The following MAN1A2 variants were observed in gnomAD, a reference collection of about 807,000 sequenced individuals.
MAN1A2 encodes mannosyl-oligosaccharide 1,2-alpha-mannosidase IB.
A neutral mutation model predicts 75.7 loss-of-function variants in MAN1A2; 26 were observed. The observed-to-expected ratio is 0.34, with a 90% confidence interval of 0.25 to 0.48. The LOEUF is 0.48. Ranked by LOEUF, MAN1A2 falls within the 20% of genes least tolerant of loss-of-function variation. The pLI, the probability that MAN1A2 is intolerant of heterozygous loss-of-function variation, is 0.99. For synonymous variants in MAN1A2, 247 were observed against 264.6 expected (o/e 0.93, Z 0.65); for missense variants, 562 against 775.5 (o/e 0.72, Z 3.27).
rs1437993000 is a variant in MAN1A2, at chr1:117,412,634, C to G, written c.656-2079C>G. 2.0e-5 allele frequency among the ~76,000 whole-genome samples: 3 copies of G among 151,836 alleles called. No individual in the cohort carries two copies. In the East Asian group the frequency reaches 5.8e-4, roughly 29 times the overall value. On this transcript the variant is annotated intron_variant, in intron 3 of 12. Coordinates refer to ENST00000356554, the MANE Select transcript of MAN1A2 (RefSeq NM_006699.5). ...AGAACTGCTTTAGTTGATTCACTTG[C>G]TCTCATACTAAATTTTTATGATGTT...
At chr1:117,461,620 T>A (rs147046198) in intron 7 of MAN1A2, among the ~76,000 whole-genome samples, 1,748 of 152,276 alleles carry the variant, frequency 0.011, 27 homozygotes, top group African/African-American at 0.04. Context: ...TCAAATTTTA[T>A]CATTATACAT....
At chr1:117,503,018 T>A in intron 12 of MAN1A2, 48 bp downstream of exon 12, 1 of 968,128 alleles carries the variant, frequency 1.0e-6, no homozygotes, top group East Asian at 2.7e-5. Context: ...CTGGTTTTGC[T>A]GTGTGATCAC....
intron 6 of MAN1A2, among the ~76,000 whole-genome samples, chr1:117,458,540 T>TTTTTTTTTTTTTTTA (rs1649702235): frequency 7.6e-6 from 1 of 131,756 alleles, no homozygotes; most frequent in Non-Finnish European, 1.7e-5. Context: ...TTTTTTTTTT[T>TTTTTTTTTTTTTTTA]GAGACAGAGT....
chr1:117,404,483 C>T (rs776593139), intron 2 of MAN1A2, among the ~76,000 whole-genome samples: 10 of 152,122 alleles, frequency 6.6e-5, no homozygotes, highest in Non-Finnish European at 1.3e-4. Context: ...GAATCCAAGC[C>T]TGTAGATATT....
chr1:117,474,157 G>A (rs909383567), intron 8 of MAN1A2, among the ~76,000 whole-genome samples: 12 of 151,878 alleles, frequency 7.9e-5, no homozygotes, highest in South Asian at 2.1e-4. Flanking sequence ...GCTTCCTTTC[G>A]TATTCAACCT....
At chr1:117,405,852 A>G (rs546497060) in intron 3 of MAN1A2, among the ~76,000 whole-genome samples, 2 of 152,290 alleles carry the variant, frequency 1.3e-5, no homozygotes, top group Middle Eastern at 3.4e-3. Context: ...TTCTATTTAC[A>G]TATGGATGCT....
At chr1:117,515,518 A>G (rs1651683879) in intron 12 of MAN1A2, 1 of 152,138 alleles carries the variant, frequency 6.6e-6, no homozygotes, top group African/African-American at 2.4e-5. Flanking sequence ...AGATGTTAAT[A>G]GGTGGGGTAA....
At position 117,422,990 on chromosome 1, in the gene MAN1A2, A is replaced by G. The variant is rs78506866; in HGVS notation, c.855+2341A>G. Among the ~76,000 whole-genome samples the G allele has an allele frequency of 7.4e-3, 1,120 of 152,246 alleles. 18 individuals carry two copies. The highest frequency in any genetic ancestry group is 0.026 in the African/African-American group (1,070 of 41,556). Reference sequence around the variant, plus strand: ...GTTTAAGAAATGTTTGCCTAATCCAACATCACAAAGATTTTCTCTTAAGTT... The same window carrying G: ...GTTTAAGAAATGTTTGCCTAATCCAGCATCACAAAGATTTTCTCTTAAGTT... On this transcript the variant is annotated intron_variant, in intron 5 of 12. Coordinates refer to ENST00000356554, the MANE Select transcript of MAN1A2 (RefSeq NM_006699.5).
intron 6 of MAN1A2, among the ~76,000 whole-genome samples, chr1:117,448,577 A>G (rs1002772346): frequency 1.3e-5 from 2 of 152,238 alleles, no homozygotes; most frequent in Non-Finnish European, 2.9e-5. Flanking sequence ...TAAAAAATTT[A>G]CTTGACAAGC....
At chr1:117,429,752 C>CG (rs1648536050) in intron 5 of MAN1A2, among the ~76,000 whole-genome samples, 1 of 90,958 alleles carries the variant, frequency 1.1e-5, no homozygotes, top group Non-Finnish European at 2.3e-5. Context: ...GCTGGCCGGG[C>CG]GGGGGGCTGA....
intron 3 of MAN1A2, among the ~76,000 whole-genome samples, chr1:117,408,393 T>C (rs2101762722): frequency 6.6e-6 from 1 of 152,088 alleles, no homozygotes; most frequent in South Asian, 2.1e-4. Flanking sequence ...TCTTTTTGCA[T>C]GTAGAAGAAA....
chr1:117,510,117 A>T (rs965405534), intron 12 of MAN1A2, among the ~76,000 whole-genome samples: 1 of 151,906 alleles, frequency 6.6e-6, no homozygotes, highest in Non-Finnish European at 1.5e-5. Context: ...TTAGATATAG[A>T]ACTTGGTTCT....
chr1:117,376,723 C>T (rs1653158062), intron 1 of MAN1A2, among the ~76,000 whole-genome samples: 1 of 152,202 alleles, frequency 6.6e-6, no homozygotes, highest in Admixed American at 6.5e-5. Flanking sequence ...CCTCTGTATC[C>T]ATAGGTTCCA....
intron 8 of MAN1A2, among the ~76,000 whole-genome samples, chr1:117,468,007 C>T (rs71668699): frequency 0.019 from 2,908 of 152,166 alleles, 46 homozygotes; most frequent in Non-Finnish European, 0.031. Context: ...AAAAAGATGT[C>T]AGTTTTCCTG....
intron 5 of MAN1A2, among the ~76,000 whole-genome samples, chr1:117,421,947 C>T (rs1648214832): frequency 6.6e-6 from 1 of 152,034 alleles, no homozygotes; most frequent in Non-Finnish European, 1.5e-5. Flanking sequence ...TTGTTCATGC[C>T]AAATACTCCT....
At chr1:117,421,457 G>A (rs1373829266) in intron 5 of MAN1A2, among the ~76,000 whole-genome samples, 2 of 151,306 alleles carry the variant, frequency 1.3e-5, no homozygotes, top group Admixed American at 6.6e-5. Context: ...TCCCCCCAGT[G>A]TTTTGGCTTC....
At chr1:117,459,897 C>G (rs770239188) in intron 6 of MAN1A2, among the ~76,000 whole-genome samples, 8 of 151,886 alleles carry the variant, frequency 5.3e-5, no homozygotes, top group Non-Finnish European at 1.2e-4. Context: ...TGATACTGTC[C>G]CGATCATTCA....
At chr1:117,466,995 T>C (rs1468622844) in intron 8 of MAN1A2, among the ~76,000 whole-genome samples, 2 of 152,152 alleles carry the variant, frequency 1.3e-5, no homozygotes, top group African/African-American at 2.4e-5. Context: ...AAGGAACCAA[T>C]TGTTATATGA....
chr1:117,491,858 G>A (rs1650891333), intron 8 of MAN1A2, among the ~76,000 whole-genome samples: 2 of 152,054 alleles, frequency 1.3e-5, no homozygotes, highest in African/African-American at 4.8e-5. Flanking sequence ...AGTGGAGGAA[G>A]TAACTGTAGA....
Sources: allele counts gnomAD v4.1 joint callset (sites outside exome capture counted in the v4.1 genomes callset), GRCh38; gene constraint gnomAD v4.1.1; transcripts MANE v1.5; gene names NCBI Gene and HGNC (gene_info 2026-07-23, HGNC 2026-07-21).